The following NKAIN2 variants were observed in gnomAD, a reference collection of about 807,000 sequenced individuals.
NKAIN2 encodes the protein sodium/potassium-transporting ATPase subunit beta-1-interacting protein 2.
A neutral mutation model predicts 32.6 loss-of-function variants in NKAIN2; 14 were observed. The ratio of observed to expected loss-of-function variants is 0.43; its 90% CI spans 0.28 to 0.67. The LOEUF is 0.67. NKAIN2 is among the 30% of genes least tolerant of loss of function. NKAIN2 has a pLI of 0.17. For synonymous variants in NKAIN2, 80 were observed against 87.2 expected (o/e 0.92, Z 0.46); for missense variants, 198 against 258.3 (o/e 0.77, Z 1.60).
intron 1 of NKAIN2, among the ~76,000 whole-genome samples, chr6:123,910,848 G>A (rs1041566516): frequency 6.6e-6 from 1 of 151,936 alleles, no homozygotes; most frequent in Non-Finnish European, 1.5e-5. Flanking sequence ...TCCTGAAGAA[G>A]AGCTCATATG....
intron 1 of NKAIN2, among the ~76,000 whole-genome samples, chr6:123,899,732 G>T (rs1381027443): frequency 6.6e-6 from 1 of 152,094 alleles, no homozygotes; most frequent in East Asian, 1.9e-4. Context: ...AGGATGTCCT[G>T]GTCTAGGAGA....
chr6:124,248,290 C>A (rs1793521452), intron 1 of NKAIN2, among the ~76,000 whole-genome samples: 1 of 151,886 alleles, frequency 6.6e-6, no homozygotes, highest in Admixed American at 6.6e-5. Flanking sequence ...AGTTGCCTTC[C>A]ACTTAAATGT....
intron 3 of NKAIN2, among the ~76,000 whole-genome samples, chr6:124,558,527 T>C (rs1006940465): frequency 6.6e-6 from 1 of 152,350 alleles, no homozygotes; most frequent in Non-Finnish European, 1.5e-5. Context: ...AAGGTAACAC[T>C]CCTGGCCATT....
At chr6:124,757,316 T>C (rs948198849) in intron 4 of NKAIN2, among the ~76,000 whole-genome samples, 1 of 152,180 alleles carries the variant, frequency 6.6e-6, no homozygotes, top group Non-Finnish European at 1.5e-5. Flanking sequence ...CAGGCATCAT[T>C]TGCCTTGCTG....
chr6:124,091,357 T>C (rs757485947), intron 1 of NKAIN2, among the ~76,000 whole-genome samples: 1 of 152,010 alleles, frequency 6.6e-6, no homozygotes, highest in Non-Finnish European at 1.5e-5. Context: ...TTATAGATCC[T>C]AGTCAATACA....
intron 1 of NKAIN2, among the ~76,000 whole-genome samples, chr6:123,988,969 T>G (rs554091133): frequency 6.8e-4 from 103 of 152,106 alleles, no homozygotes; most frequent in African/African-American, 2.4e-3. Context: ...ATCTTTTGTT[T>G]AAAGGTGTTT....
intron 1 of NKAIN2, among the ~76,000 whole-genome samples, chr6:123,949,908 A>G (rs1582828927): frequency 6.6e-6 from 1 of 151,936 alleles, no homozygotes; most frequent in South Asian, 2.1e-4. Flanking sequence ...CAGCTTTTCC[A>G]CATTCAATAT....
At chr6:123,998,371 G>A (rs1308897228) in intron 1 of NKAIN2, among the ~76,000 whole-genome samples, 2 of 152,026 alleles carry the variant, frequency 1.3e-5, no homozygotes, top group Non-Finnish European at 2.9e-5. Context: ...ACATATACAA[G>A]CAATGCCAAA....
At chr6:124,091,751 A>G (rs890369055) in intron 1 of NKAIN2, among the ~76,000 whole-genome samples, 1 of 151,898 alleles carries the variant, frequency 6.6e-6, no homozygotes, top group African/African-American at 2.4e-5. Context: ...TCTACAAACA[A>G]CATACACATC....
intron 1 of NKAIN2, among the ~76,000 whole-genome samples, chr6:123,891,806 A>ATTTCT (rs1298987018): frequency 6.6e-6 from 1 of 152,196 alleles, no homozygotes; most frequent in Non-Finnish European, 1.5e-5. Flanking sequence ...CCAAATTTCT[A>ATTTCT]TTTCTTGCTT....
intron 1 of NKAIN2, among the ~76,000 whole-genome samples, chr6:123,913,353 G>T (rs1219904197): frequency 6.6e-6 from 1 of 152,162 alleles, no homozygotes; most frequent in East Asian, 1.9e-4. Context: ...CTCAAAGGAA[G>T]CAAGTAATGC....
At chr6:124,490,127 T>C (rs1777803240) in intron 3 of NKAIN2, among the ~76,000 whole-genome samples, 1 of 151,860 alleles carries the variant, frequency 6.6e-6, no homozygotes, top group Non-Finnish European at 1.5e-5. Context: ...TGCCTAAACC[T>C]TGACCTTATT....
At chr6:124,625,878 C>T (rs1783307076) in intron 3 of NKAIN2, among the ~76,000 whole-genome samples, 2 of 131,652 alleles carry the variant, frequency 1.5e-5, no homozygotes, top group Non-Finnish European at 3.5e-5. Flanking sequence ...TCTACTCTTT[C>T]TCCTCTAACA....
At chr6:124,680,893 A>G (rs959183850) in intron 4 of NKAIN2, among the ~76,000 whole-genome samples, 1 of 151,984 alleles carries the variant, frequency 6.6e-6, no homozygotes, top group African/African-American at 2.4e-5. Context: ...GAAAGGAAAA[A>G]CTAGGCATAT....
At chr6:124,453,147 C>G (rs951338049) in intron 3 of NKAIN2, among the ~76,000 whole-genome samples, 2 of 151,988 alleles carry the variant, frequency 1.3e-5, no homozygotes, top group Admixed American at 6.6e-5. Context: ...TCTGACTTCA[C>G]TTTAAAGTAC....
chr6:124,021,501 A>G (rs1780863500), intron 1 of NKAIN2, among the ~76,000 whole-genome samples: 1 of 151,976 alleles, frequency 6.6e-6, no homozygotes, highest in Non-Finnish European at 1.5e-5. Context: ...TTCATATTTT[A>G]GTATTATATT....
At chr6:124,327,376 A>T (rs193206725) in intron 2 of NKAIN2, among the ~76,000 whole-genome samples, 1 of 144,850 alleles carries the variant, frequency 6.9e-6, no homozygotes, top group Non-Finnish European at 1.5e-5. Flanking sequence ...TCATTGTTGA[A>T]CTCTTAATTA....
intron 3 of NKAIN2, among the ~76,000 whole-genome samples, chr6:124,385,913 A>G (rs1202247755): frequency 6.6e-6 from 1 of 152,156 alleles, no homozygotes; most frequent in Non-Finnish European, 1.5e-5. Flanking sequence ...AAAAATATAG[A>G]CTTTATTTCT....
At chr6:124,200,417 C>T (rs755925424) in intron 1 of NKAIN2, among the ~76,000 whole-genome samples, 5 of 152,032 alleles carry the variant, frequency 3.3e-5, no homozygotes, top group Non-Finnish European at 7.4e-5. Context: ...GTGTTTTGTT[C>T]GCTGTGAGTC....
Sources: gnomAD v4.1 joint callset for allele counts (sites outside exome capture counted in the v4.1 genomes callset) on GRCh38, gnomAD v4.1.1 for gene constraint, MANE v1.5 for transcripts, NCBI Gene and HGNC (gene_info 2026-07-23, HGNC 2026-07-21) for gene names.